The following PPM1B variants were observed in gnomAD, a reference collection of about 807,000 sequenced individuals.
PPM1B encodes protein phosphatase, Mg2+/Mn2+ dependent 1B.
In PPM1B, 22 loss-of-function variants were observed where a neutral mutation model predicts 43.0. That is an observed-to-expected ratio of 0.51 (90% CI 0.37 to 0.73). The LOEUF (loss-of-function observed/expected upper bound fraction) is 0.73. PPM1B is among the 30% of genes least tolerant of loss of function. The pLI is 0.00. For missense variants in PPM1B, 632 were observed against 584.2 expected (o/e 1.08, Z -0.84); for synonymous variants, 217 against 197.9 (o/e 1.10, Z -0.81).
At chr2:44,225,470 G>C (rs915948063) in intron 5 of PPM1B, among the ~76,000 whole-genome samples, 9 of 152,126 alleles carry the variant, frequency 5.9e-5, no homozygotes, top group African/African-American at 1.4e-4. Flanking sequence ...TAATGGCTGC[G>C]GAAGAGGTTT....
intron 1 of PPM1B, among the ~76,000 whole-genome samples, chr2:44,180,227 C>G (rs1385945200): frequency 6.6e-6 from 1 of 152,060 alleles, no homozygotes; most frequent in Non-Finnish European, 1.5e-5. Flanking sequence ...TAATCTTGAT[C>G]TTTCTTTCCT....
At chr2:44,241,231 G>A (rs533374570) in intron 5 of PPM1B, among the ~76,000 whole-genome samples, 2 of 141,848 alleles carry the variant, frequency 1.4e-5, no homozygotes, top group East Asian at 4.5e-4. Context: ...TCGAACTCCC[G>A]ACCTCAGGTG....
rs184781461 is a variant in PPM1B at position 44,176,175 on chromosome 2, A to G, written c.-15+6901A>G. The stretch of plus-strand genomic sequence containing the variant: ...AAATTTGGGGCCTTCAGGTGTTTCC[A>G]TTTACTGTACATCCTTGGATAGATG... On this transcript the variant is annotated intron_variant, in intron 1 of 5. Transcript: ENST00000282412. Among the ~76,000 whole-genome samples the G allele has an allele frequency of 2.2e-3, 341 of 152,290 alleles. 2 individuals carry two copies. Among genetic ancestry groups the G allele is most frequent in the African/African-American group, 7.7e-3 (321 of 41,546 alleles).
At chr2:44,208,670 G>A (rs369954513) in intron 2 of PPM1B, among the ~76,000 whole-genome samples, 1 of 152,130 alleles carries the variant, frequency 6.6e-6, no homozygotes. Context: ...CCAAGATTGC[G>A]CCATTGTGCT....
chr2:44,218,834 C>A, intron 5 of PPM1B: 1 of 465,104 alleles, frequency 2.2e-6, no homozygotes, highest in Admixed American at 2.5e-5. Flanking sequence ...TCCTTTAAAC[C>A]TTAATTTTGA....
rs1343885377 is a variant in PPM1B at position 44,201,099 on chromosome 2, G to A, written c.-14-87G>A. ...GGATAATACTAAAAAAAATACTTGA[G>A]GTAGGAGTTACTAGACTATAGAGGG... On this transcript the variant is annotated intron_variant, in intron 1 of 5. Transcript: ENST00000282412. The surrounding 1 kb of genome is among the most constrained non-coding windows in gnomAD (Gnocchi z 5.4). The A allele has an allele frequency of 7.5e-7, 1 of 1,329,250 alleles. No homozygotes were observed. The highest frequency in any genetic ancestry group is 1.0e-6 in the Non-Finnish European group (1 of 983,310). The allele number at this position is 1,329,250 out of a possible 1,614,324, so 82.3% of individuals were successfully genotyped here. A position where few individuals can be genotyped will look rare whatever the true frequency, so the allele number is the denominator to read the frequency against.
rs17579449 is a variant in PPM1B, at chr2:44,201,096, T to C, written c.-14-90T>C. On this transcript the variant is annotated intron_variant, in intron 1 of 5. Coordinates refer to ENST00000282412, the MANE Select transcript of PPM1B (RefSeq NM_002706.6). The surrounding 1 kb of genome is among the most constrained non-coding windows in gnomAD (Gnocchi z 5.4). ...TTAGGATAATACTAAAAAAAATACT[T>C]GAGGTAGGAGTTACTAGACTATAGA... 471 of 1,308,660 alleles carry C rather than the reference T, an allele frequency of 3.6e-4. 5 individuals carry two copies. In the East Asian group the frequency reaches 9.1e-3, roughly 25 times the overall value. 81.1% of individuals were successfully genotyped at this position (1,308,660 alleles called of 1,614,324 possible).
intron 5 of PPM1B, among the ~76,000 whole-genome samples, chr2:44,224,734 C>A (rs1489349346): frequency 6.6e-6 from 1 of 152,056 alleles, no homozygotes; most frequent in Non-Finnish European, 1.5e-5. Context: ...GTCCTGAATT[C>A]TCATCTCAGT....
downstream of PPM1B, among the ~76,000 whole-genome samples, chr2:44,245,780 A>C (rs1172266273): frequency 1.3e-5 from 2 of 152,162 alleles, no homozygotes; most frequent in East Asian, 3.8e-4. Context: ...AATTGCTGTA[A>C]CTATGTGCCA....
rs1265873539 is a variant in PPM1B, at chr2:44,230,539, G to C, written c.1261G>C (p.Ala421Pro). The C allele has an allele frequency of 6.2e-7, 1 of 1,614,130 alleles. No individual in the cohort carries two copies. The highest frequency in any genetic ancestry group is 8.5e-7 in the Non-Finnish European group (1 of 1,180,010). ...LEEMLTSYRL[A>P]KVEGEESPAE... ...GGAGATGCTGACTAGTTACAGGCTA[G>C]CTAAAGTAGAGGGAGAAGAAAGCCC... Residue 421 changes from alanine (A) to proline (P), a missense_variant, in exon 6 of 6, where the codon GCT becomes CCT. Physicochemically the swap from Ala to Pro is conservative, Grantham distance 27 (BLOSUM62 -1). Transcript: ENST00000282412.
At chr2:44,178,478 T>A (rs866227563) in intron 1 of PPM1B, among the ~76,000 whole-genome samples, 453 of 145,738 alleles carry the variant, frequency 3.1e-3, no homozygotes, top group African/African-American at 0.011. Flanking sequence ...ATATATATTT[T>A]TTTTTTTAGA....
intron 1 of PPM1B, among the ~76,000 whole-genome samples, chr2:44,174,773 A>C (rs1259377811): frequency 6.6e-6 from 1 of 152,124 alleles, no homozygotes; most frequent in East Asian, 1.9e-4. Context: ...TATCAAGAGC[A>C]CTCCTCGCAT....
At chr2:44,174,289 A>G (rs115480696) in intron 1 of PPM1B, among the ~76,000 whole-genome samples, 531 of 152,362 alleles carry the variant, frequency 3.5e-3, no homozygotes, top group African/African-American at 0.012. Flanking sequence ...TGAACAAAAG[A>G]AGATCCAGTT....
intron 1 of PPM1B, among the ~76,000 whole-genome samples, chr2:44,188,791 C>CCTCCCCTTCCCA (rs1668258363): frequency 2.0e-5 from 3 of 149,666 alleles, no homozygotes; most frequent in Non-Finnish European, 4.5e-5. Flanking sequence ...TCCCTCCTTC[C>CCTCCCCTTCCCA]CTCCCCTTCC....
Position 44,218,461 on chromosome 2 carries a change from G to C in PPM1B, c.1077-19G>C. The C allele has an allele frequency of 6.6e-7, 1 of 1,507,296 alleles. No individual in the cohort carries two copies. The highest frequency in any genetic ancestry group is 9.1e-7 in the Non-Finnish European group (1 of 1,103,838). 93.4% of individuals were successfully genotyped at this position (1,507,296 alleles called of 1,614,324 possible). On this transcript the variant is annotated intron_variant, in intron 4 of 5. Transcript: ENST00000282412. ...TTCTGTGTAATTTAATAAAACTAAAGCATGTTTTTTTTTTTTAGGCGTAAT... is the reference window on the plus strand; with the variant it reads ...TTCTGTGTAATTTAATAAAACTAAACCATGTTTTTTTTTTTTAGGCGTAAT...
intron 1 of PPM1B, among the ~76,000 whole-genome samples, chr2:44,194,739 C>T (rs1269016351): frequency 6.6e-6 from 1 of 151,964 alleles, no homozygotes; most frequent in Non-Finnish European, 1.5e-5. Flanking sequence ...AAGAAGAAGG[C>T]TGAGCAGGCT....
intron 5 of PPM1B, among the ~76,000 whole-genome samples, chr2:44,241,707 G>A (rs1264562095): frequency 6.6e-6 from 1 of 151,426 alleles, no homozygotes; most frequent in Non-Finnish European, 1.5e-5. Context: ...ACTCCAGCTT[G>A]GATGACAGAG....
chr2:44,197,273 C>T (rs544100646), intron 1 of PPM1B, among the ~76,000 whole-genome samples: 2 of 152,242 alleles, frequency 1.3e-5, no homozygotes, highest in African/African-American at 4.8e-5. Context: ...CCGTGCGCCA[C>T]CATGTCTGGC....
At chr2:44,228,905 A>G (rs1374327840) in intron 5 of PPM1B, among the ~76,000 whole-genome samples, 1 of 152,250 alleles carries the variant, frequency 6.6e-6, no homozygotes, top group East Asian at 1.9e-4. Flanking sequence ...TTTTTCAGCC[A>G]GGCACGGTAG....
Sources: allele counts gnomAD v4.1 joint callset (sites outside exome capture counted in the v4.1 genomes callset), GRCh38; gene constraint gnomAD v4.1.1; non-coding constraint Gnocchi (gnomAD v3.1); transcripts MANE v1.5; gene names NCBI Gene and HGNC (gene_info 2026-07-23, HGNC 2026-07-21).